The following NEK10 variants were observed in gnomAD, a reference collection of about 807,000 sequenced individuals.
The protein encoded by NEK10 is serine/threonine-protein kinase Nek10.
Under a neutral mutation model 159.8 loss-of-function variants are expected in NEK10, and 122 were observed. That is an observed-to-expected ratio of 0.76 (90% CI 0.66 to 0.89). The LOEUF (loss-of-function observed/expected upper bound fraction) is 0.89. Among genes scored for constraint, NEK10 ranks in the 40% least tolerant of loss-of-function variants. The pLI is 0.00. For synonymous variants in NEK10, 466 were observed against 457.1 expected (o/e 1.02, Z -0.25); for missense variants, 1,342 against 1,323.1 (o/e 1.01, Z -0.22).
At chr3:27,208,549 A>C (rs1430972142) in intron 23 of NEK10, among the ~76,000 whole-genome samples, 1 of 152,152 alleles carries the variant, frequency 6.6e-6, no homozygotes, top group Non-Finnish European at 1.5e-5. Flanking sequence ...CAGGGAAATG[A>C]GAAGATGAAA....
Position 27,293,570 on chromosome 3 carries a change from A to G in NEK10, c.1373+18T>C. 1 of 1,357,102 alleles carries G rather than the reference A, an allele frequency of 7.4e-7. No individual in the cohort carries two copies. The allele number at this position is 1,357,102 out of a possible 1,614,324, so 84.1% of individuals were successfully genotyped here. ...TCTCCTAAACCTAATGATCACTTAT[A>G]TTTCTCTAACCTCATACCTTTTAAA... On this transcript the variant is annotated intron_variant, in intron 16 of 35. Transcript: ENST00000691995.
intron 31 of NEK10, among the ~76,000 whole-genome samples, chr3:27,134,722 C>A (rs1317499915): frequency 6.6e-6 from 1 of 152,104 alleles, no homozygotes; most frequent in Non-Finnish European, 1.5e-5. Flanking sequence ...AGCTATTGAT[C>A]TTACTGGAAT....
At chr3:27,362,463 G>A (rs184829344) in intron 1 of NEK10, among the ~76,000 whole-genome samples, 44 of 152,104 alleles carry the variant, frequency 2.9e-4, no homozygotes, top group Non-Finnish European at 5.6e-4. Context: ...GGATAAAGAG[G>A]AATTGACCTG....
Position 27,284,879 on chromosome 3 carries a change from G to C in NEK10, c.1872C>G (p.His624Gln), listed in dbSNP as rs2149462239. ...EHFSSLKEKHHHFTEERLWKI... is the reference protein window; with the variant it reads ...EHFSSLKEKHQHFTEERLWKI... ...TCCATAGTCTTTCTTCAGTAAAATG[G>C]TGATGTTTTTCCTTCAAAGAACTGA... Residue 624 changes from histidine (H) to glutamine (Q), a missense_variant, in exon 21 of 36, where the codon CAC becomes CAG. Coordinates refer to ENST00000691995, the MANE Select transcript of NEK10 (RefSeq NM_001394966.1). 6.3e-7 allele frequency: 1 copy of C among 1,589,622 alleles called. No individual in the cohort carries two copies. Among genetic ancestry groups the C allele is most frequent in the African/African-American group, 1.3e-5 (1 of 74,540 alleles).
At chr3:27,114,053 A>C (rs565508602) in intron 35 of NEK10, among the ~76,000 whole-genome samples, 1 of 152,332 alleles carries the variant, frequency 6.6e-6, no homozygotes, top group South Asian at 2.1e-4. Context: ...TGTATGTAAA[A>C]TGTAATTTAT....
intron 23 of NEK10, among the ~76,000 whole-genome samples, chr3:27,210,867 T>C (rs1002014244): frequency 1.2e-4 from 18 of 152,184 alleles, no homozygotes; most frequent in African/African-American, 2.4e-5. Context: ...ACACTCCACC[T>C]GGAAGAGTTG....
At chr3:27,205,591 A>C (rs1184686765) in intron 23 of NEK10, among the ~76,000 whole-genome samples, 1 of 137,420 alleles carries the variant, frequency 7.3e-6, no homozygotes, top group Non-Finnish European at 1.5e-5. Flanking sequence ...AAACCTGAGA[A>C]AAACAAGCAA....
At chr3:27,340,219 A>C (rs2047105619) in intron 5 of NEK10, among the ~76,000 whole-genome samples, 1 of 152,238 alleles carries the variant, frequency 6.6e-6, no homozygotes, top group Non-Finnish European at 1.5e-5. Flanking sequence ...GACATGGATG[A>C]AGCTGGAAGC....
chr3:27,233,410 T>A (rs1953532515), intron 23 of NEK10, among the ~76,000 whole-genome samples: 1 of 151,898 alleles, frequency 6.6e-6, no homozygotes, highest in Admixed American at 6.6e-5. Flanking sequence ...ACAATAGATG[T>A]TGGTGTGGAT....
chr3:27,214,905 A>C, intron 23 of NEK10: 1 of 1,123,086 alleles, frequency 8.9e-7, no homozygotes, highest in Non-Finnish European at 1.4e-6. Flanking sequence ...GCTAATGGCC[A>C]CATTCTTCTT....
At chr3:27,234,574 A>G (rs749985716) in intron 23 of NEK10, among the ~76,000 whole-genome samples, 10 of 152,058 alleles carry the variant, frequency 6.6e-5, no homozygotes, top group Non-Finnish European at 1.5e-4. Flanking sequence ...AAGGATCTCT[A>G]TAAGGAGAAC....
At chr3:27,367,914 G>T (rs1477018829) in intron 1 of NEK10, among the ~76,000 whole-genome samples, 1 of 152,174 alleles carries the variant, frequency 6.6e-6, no homozygotes, top group African/African-American at 2.4e-5. Flanking sequence ...CTGATAGAAG[G>T]CCTAACTAAA....
At chr3:27,125,930 T>A (rs539222171) in intron 32 of NEK10, among the ~76,000 whole-genome samples, 3 of 152,184 alleles carry the variant, frequency 2.0e-5, no homozygotes, top group Non-Finnish European at 4.4e-5. Context: ...CTGAAGGTGA[T>A]GTCAAGGAAG....
intron 30 of NEK10, among the ~76,000 whole-genome samples, chr3:27,142,832 T>C (rs1390287692): frequency 2.6e-5 from 4 of 152,200 alleles, no homozygotes; most frequent in African/African-American, 9.6e-5. Context: ...TACTACTTTC[T>C]TTACAGATAT....
At chr3:27,294,821 A>G (rs1047324806) in intron 15 of NEK10, among the ~76,000 whole-genome samples, 2 of 152,144 alleles carry the variant, frequency 1.3e-5, no homozygotes, top group African/African-American at 4.8e-5. Context: ...TTTAAATCAG[A>G]TTTTGACATT....
chr3:27,357,299 G>A (rs996248225), intron 1 of NEK10, among the ~76,000 whole-genome samples: 3 of 151,980 alleles, frequency 2.0e-5, no homozygotes, highest in Non-Finnish European at 4.4e-5. Context: ...ATGGATGAAC[G>A]GATAAAAGGA....
chr3:27,137,653 C>T (rs780331487), intron 31 of NEK10, among the ~76,000 whole-genome samples: 9 of 152,154 alleles, frequency 5.9e-5, no homozygotes, highest in Admixed American at 2.0e-4. Flanking sequence ...CCCTCTTTTA[C>T]GTAATTAGTT....
At chr3:27,194,003 T>G (rs780118092) in intron 25 of NEK10, 8 of 152,170 alleles carry the variant, frequency 5.3e-5, no homozygotes, top group Non-Finnish European at 1.0e-4. Flanking sequence ...AAAGTTTACC[T>G]ACCCATAACC....
chr3:27,230,346 G>A (rs953898020), intron 23 of NEK10, among the ~76,000 whole-genome samples: 6 of 151,992 alleles, frequency 3.9e-5, no homozygotes, highest in Non-Finnish European at 7.4e-5. Flanking sequence ...TACGAAACTA[G>A]CACTACAAGA....
Sources: gnomAD v4.1 joint callset for allele counts (sites outside exome capture counted in the v4.1 genomes callset) on GRCh38, gnomAD v4.1.1 for gene constraint, MANE v1.5 for transcripts, NCBI Gene and HGNC (gene_info 2026-07-23, HGNC 2026-07-21) for gene names.